Variants in TCF4 observed in about 807,000 individuals in gnomAD.
TCF4 encodes the protein transcription factor 4.
Under a neutral mutation model 82.1 loss-of-function variants are expected in TCF4, and 3 were observed. That is an observed-to-expected ratio of 0.04 (90% CI 0.02 to 0.09). The LOEUF (loss-of-function observed/expected upper bound fraction) is 0.09, where lower values mean the gene tolerates loss of function less well. TCF4 is among the 10% of genes least tolerant of loss of function. The pLI, the probability that TCF4 is intolerant of heterozygous loss-of-function variation, is 1.00. For missense variants in TCF4, 518 were observed against 852.7 expected, an observed-to-expected ratio of 0.61 and a Z score of 4.89; for synonymous variants, 276 against 309.6, an observed-to-expected ratio of 0.89 and a Z score of 1.14.
At chr18:55,561,054 T>C (rs2097351143) in intron 3 of TCF4, among the ~76,000 whole-genome samples, 1 of 152,258 alleles carries the variant, frequency 6.6e-6, no homozygotes, top group Non-Finnish European at 1.5e-5. Context: ...ATGACTCCAG[T>C]TATAATCTTA....
chr18:55,586,146 G>T (rs914950266), intron 2 of TCF4: 1 of 1,372,116 alleles, frequency 7.3e-7, no homozygotes, highest in African/African-American at 1.4e-5. Context: ...AGGAGGAGGA[G>T]GAGGAGGAGC....
chr18:55,292,184 T>C (rs1232595444), intron 8 of TCF4, among the ~76,000 whole-genome samples: 5 of 152,218 alleles, frequency 3.3e-5, no homozygotes, highest in African/African-American at 1.2e-4. Flanking sequence ...AAAAATGTGC[T>C]ACTGGCTACC....
chr18:55,565,137 T>C (rs958529252), intron 3 of TCF4, among the ~76,000 whole-genome samples: 15 of 152,090 alleles, frequency 9.9e-5, no homozygotes, highest in African/African-American at 3.4e-4. Flanking sequence ...CTAAAGTTGC[T>C]GGGAAGAATG....
Position 55,461,212 on chromosome 18 carries a change from A to T in TCF4, c.208-97T>A, listed in dbSNP as rs2095862598. On this transcript the variant is annotated intron_variant, in intron 4 of 19. Transcript: ENST00000354452. ...TACCAAAACTTCTCCCCTCCAAAGA[A>T]ATTGGAGTCCACTATTCCCTCCCTG... 3 of 981,826 alleles carry T rather than the reference A, an allele frequency of 3.1e-6. No homozygotes were observed. The East Asian group carries it at 7.9e-5, about 26-fold the overall frequency. 60.8% of individuals were successfully genotyped at this position (981,826 alleles called of 1,614,324 possible).
intron 6 of TCF4, among the ~76,000 whole-genome samples, chr18:55,361,023 C>T (rs1235290603): frequency 6.6e-6 from 1 of 152,162 alleles, no homozygotes; most frequent in Non-Finnish European, 1.5e-5. Context: ...CCACACCTGG[C>T]CTGCTAACCC....
intron 6 of TCF4, among the ~76,000 whole-genome samples, chr18:55,386,817 C>T (rs1486735919): frequency 1.3e-5 from 2 of 152,192 alleles, no homozygotes; most frequent in African/African-American, 4.8e-5. Context: ...GGGCTCAACC[C>T]TCTGTCATTG....
chr18:55,246,232 C>CGTGTGTGTGTGTGTGTGT (rs34773632), intron 15 of TCF4, among the ~76,000 whole-genome samples: 14 of 147,656 alleles, frequency 9.5e-5, no homozygotes, highest in East Asian at 4.0e-4. Context: ...TTTAAATACA[C>CGTGTGTGTGTGTGTGTGT]GTGTGTGTGT....
chr18:55,395,728 C>A (rs1014784990), intron 6 of TCF4, among the ~76,000 whole-genome samples: 1 of 152,150 alleles, frequency 6.6e-6, no homozygotes, highest in East Asian at 1.9e-4. Flanking sequence ...TATATAATAG[C>A]AAACCATATT....
intron 11 of TCF4, chr18:55,266,668 AT>A: frequency 6.6e-6 from 1 of 152,070 alleles, no homozygotes; most frequent in Non-Finnish European, 1.5e-5. Flanking sequence ...AAAAAAAAAA[AT>A]CTCTCATTAA....
intron 8 of TCF4, among the ~76,000 whole-genome samples, chr18:55,316,406 A>G (rs1242464007): frequency 6.6e-6 from 1 of 152,116 alleles, no homozygotes; most frequent in African/African-American, 2.4e-5. Flanking sequence ...TAGTGATTCT[A>G]AAGAACTTAG....
intron 11 of TCF4, chr18:55,267,879 C>T (rs2059547000): frequency 6.6e-6 from 1 of 152,026 alleles, no homozygotes; most frequent in Admixed American, 6.6e-5. Context: ...AAATAAGGCC[C>T]TATGGTTTTT....
At chr18:55,350,300 C>A in intron 8 of TCF4, 59 bp downstream of exon 8, 1 of 1,546,892 alleles carries the variant, frequency 6.5e-7, no homozygotes, top group Non-Finnish European at 8.9e-7. Flanking sequence ...ATCTCCTTCC[C>A]ATCAATACAA....
At chr18:55,286,205 G>T (rs1316874387) in intron 8 of TCF4, among the ~76,000 whole-genome samples, 1 of 151,658 alleles carries the variant, frequency 6.6e-6, no homozygotes, top group Non-Finnish European at 1.5e-5. Flanking sequence ...CTTTTTTGCT[G>T]TAGTTTTTAC....
At chr18:55,377,448 G>T (rs1223750923) in intron 6 of TCF4, among the ~76,000 whole-genome samples, 1 of 152,142 alleles carries the variant, frequency 6.6e-6, no homozygotes, top group Non-Finnish European at 1.5e-5. Flanking sequence ...GGAATCAAAT[G>T]ATTCATTTTA....
chr18:55,351,688 C>A (rs1026380428), intron 6 of TCF4: 1 of 315,486 alleles, frequency 3.2e-6, no homozygotes, highest in African/African-American at 2.3e-5. Context: ...CACTAGAAAA[C>A]TTCCACAATA....
In TCF4 at chr18:55,275,489, CTT is replaced by C. The variant is rs1197650753; in HGVS notation, c.789+128_789+129del. 5.0e-6 allele frequency: 6 copies of C among 1,204,604 alleles called. No individual in the cohort carries two copies. The African/African-American group carries it at 7.5e-5, about 15-fold the overall frequency. 74.6% of individuals were successfully genotyped at this position (1,204,604 alleles called of 1,614,324 possible). ...GTCTTTGATCACAGAAACAATACAACTTAAGAATAATGGGTGTGTGCCATTTT... is the reference window on the plus strand; with the variant it reads ...GTCTTTGATCACAGAAACAATACAACAAGAATAATGGGTGTGTGCCATTTT... On this transcript the variant is annotated intron_variant, in intron 10 of 19. Coordinates refer to ENST00000354452, the MANE Select transcript of TCF4 (RefSeq NM_001083962.2).
At chr18:55,521,550 G>C (rs186738938) in intron 3 of TCF4, among the ~76,000 whole-genome samples, 1 of 152,240 alleles carries the variant, frequency 6.6e-6, no homozygotes, top group African/African-American at 2.4e-5. Flanking sequence ...CACCAGAACT[G>C]TCGGCTTACT....
intron 6 of TCF4, among the ~76,000 whole-genome samples, chr18:55,391,789 T>A (rs1013551609): frequency 6.6e-6 from 1 of 150,416 alleles, no homozygotes; most frequent in African/African-American, 2.4e-5. Flanking sequence ...AAAAAAAAAC[T>A]TAGCCAGCCC....
chr18:55,623,518 A>G (rs1220460046), intron 2 of TCF4, among the ~76,000 whole-genome samples: 1 of 152,238 alleles, frequency 6.6e-6, no homozygotes, highest in Non-Finnish European at 1.5e-5. Context: ...TATGAATTTT[A>G]TTACATCACA....
Sources: allele counts gnomAD v4.1 joint callset (sites outside exome capture counted in the v4.1 genomes callset), GRCh38; gene constraint gnomAD v4.1.1; transcripts MANE v1.5; gene names NCBI Gene and HGNC (gene_info 2026-07-23, HGNC 2026-07-21).